PRKN: variants seen among roughly 807,000 people sequenced by gnomAD.
The protein encoded by PRKN is parkin RBR E3 ubiquitin protein ligase.
Under a neutral mutation model 59.5 loss-of-function variants are expected in PRKN, and 56 were observed. The observed-to-expected ratio is 0.94, with a 90% confidence interval of 0.76 to 1.18. The LOEUF is 1.18. PRKN is among the 50% of genes most tolerant of loss of function. The probability of loss-of-function intolerance (pLI) is 0.00; values close to 1 mark genes in which losing one functional copy is unlikely to be tolerated. For missense variants in PRKN, 657 were observed against 596.4 expected (o/e 1.10, Z -1.06); for synonymous variants, 250 against 222.1 (o/e 1.13, Z -1.12).
intron 1 of PRKN, among the ~76,000 whole-genome samples, chr6:162,501,936 A>T (rs888134658): frequency 1.3e-5 from 2 of 152,146 alleles, no homozygotes; most frequent in Admixed American, 6.5e-5. Context: ...TGATATATTG[A>T]TGTAATGTGG....
intron 2 of PRKN, among the ~76,000 whole-genome samples, chr6:162,365,427 T>C (rs1785384812): frequency 6.6e-6 from 1 of 152,170 alleles, no homozygotes; most frequent in Non-Finnish European, 1.5e-5. Flanking sequence ...TATTTTCCCC[T>C]AATTTTTTAC....
chr6:162,155,504 G>T (rs1782474402), intron 4 of PRKN, among the ~76,000 whole-genome samples: 2 of 152,042 alleles, frequency 1.3e-5, no homozygotes, highest in African/African-American at 4.8e-5. Context: ...CAACATCAGA[G>T]ACAGCAAGCA....
chr6:161,406,119 C>CAT, intron 9 of PRKN, among the ~76,000 whole-genome samples: 1 of 151,646 alleles, frequency 6.6e-6, no homozygotes. Flanking sequence ...TATATATACA[C>CAT]ATATATACAC....
At chr6:162,288,492 A>G (rs1008634428) in intron 2 of PRKN, among the ~76,000 whole-genome samples, 1 of 152,176 alleles carries the variant, frequency 6.6e-6, no homozygotes, top group African/African-American at 2.4e-5. Flanking sequence ...ACTAAAAAGA[A>G]GTGTGCAAGT....
rs928869327 is a variant in PRKN at position 161,447,466 on chromosome 6, T to C, written c.1084-60589A>G. 5.3e-5 allele frequency among the ~76,000 whole-genome samples: 8 copies of C among 152,194 alleles called. No homozygotes were observed. Among genetic ancestry groups the C allele is most frequent in the African/African-American group, 1.9e-4 (8 of 41,442 alleles). ...CCTGTAAAGAAGACAAGTTGGAGAA[T>C]AATCTCCCATATTCCTCTGCCATCC... On this transcript the variant is annotated intron_variant, in intron 9 of 11. Coordinates refer to ENST00000366898, the MANE Select transcript of PRKN (RefSeq NM_004562.3). This position sits in a 1 kb window ranked among gnomAD's most constrained non-coding sequence, Gnocchi z 4.1.
chr6:162,020,036 AT>A (rs1020596625), intron 5 of PRKN, among the ~76,000 whole-genome samples: 2 of 150,222 alleles, frequency 1.3e-5, no homozygotes, highest in Non-Finnish European at 3.0e-5. Context: ...AAAAAAAAAA[AT>A]ATCACAAAGT....
intron 1 of PRKN, among the ~76,000 whole-genome samples, chr6:162,511,350 T>C (rs899815183): frequency 1.3e-5 from 2 of 152,192 alleles, no homozygotes; most frequent in Admixed American, 6.5e-5. Flanking sequence ...TAGATGTACA[T>C]GTACCATATT....
rs62429103 is a variant in PRKN at position 162,654,579 on chromosome 6, T to C, written c.7+73083A>G. ...AGATTATCCAATAGCATCTTCTAAA[T>C]TGACATTTATCCTTCAAAATTTATT... On this transcript the variant is annotated intron_variant, in intron 1 of 11. Transcript: ENST00000366898. Among the ~76,000 whole-genome samples, 250 of 152,224 alleles carry C rather than the reference T, an allele frequency of 1.6e-3. 1 individual carries two copies. The highest frequency in any genetic ancestry group is 3.1e-3 in the Non-Finnish European group (209 of 68,038).
chr6:162,218,174 A>G (rs1777777375), intron 3 of PRKN, among the ~76,000 whole-genome samples: 1 of 152,170 alleles, frequency 6.6e-6, no homozygotes, highest in South Asian at 2.1e-4. Flanking sequence ...AGCGTGATGG[A>G]GGTGCTTTCC....
At chr6:161,443,742 T>G (rs1336500534) in intron 9 of PRKN, among the ~76,000 whole-genome samples, 2 of 152,182 alleles carry the variant, frequency 1.3e-5, no homozygotes, top group Non-Finnish European at 2.9e-5. Context: ...AGTTTTACCT[T>G]TGGTAGAAAC....
rs1431479783 is a variant in PRKN, at chr6:161,783,043, A to G, written c.871+2729T>C. Among the ~76,000 whole-genome samples, 3 of 152,332 alleles carry G rather than the reference A, an allele frequency of 2.0e-5. No individual in the cohort carries two copies. The East Asian group carries it at 5.8e-4, about 29-fold the overall frequency. On this transcript the variant is annotated intron_variant, in intron 7 of 11. Coordinates refer to ENST00000366898, the MANE Select transcript of PRKN (RefSeq NM_004562.3). The stretch of plus-strand genomic sequence containing the variant: ...CAAAACAAACTGCAAAAATCTTAAC[A>G]TTGTTTTCAATAATCACACTTAGGT...
intron 4 of PRKN, among the ~76,000 whole-genome samples, chr6:162,182,519 T>A (rs772842080): frequency 1.3e-5 from 2 of 152,130 alleles, no homozygotes; most frequent in Non-Finnish European, 2.9e-5. Flanking sequence ...TGGGAAAACA[T>A]CACTGTGTGT....
Position 162,358,350 on chromosome 6 carries a change from A to G in PRKN, c.171+84960T>C, listed in dbSNP as rs144661805. On this transcript the variant is annotated intron_variant, in intron 2 of 11. Coordinates refer to ENST00000366898, the MANE Select transcript of PRKN (RefSeq NM_004562.3). ...CATGGTTCTTTTCAGCCTTGTAAGC[A>G]ATCAAAATATTTCCACAATCTAATT... is the stretch of plus-strand genomic sequence containing the variant. Among the ~76,000 whole-genome samples the G allele has an allele frequency of 2.7e-3, 411 of 152,326 alleles. 1 individual carries two copies. Among genetic ancestry groups the G allele is most frequent in the African/African-American group, 8.9e-3 (368 of 41,576 alleles).
At chr6:162,377,034 G>A (rs1786144390) in intron 2 of PRKN, among the ~76,000 whole-genome samples, 1 of 152,104 alleles carries the variant, frequency 6.6e-6, no homozygotes, top group African/African-American at 2.4e-5. Flanking sequence ...AGGAACCGCT[G>A]CAGCTACAGA....
intron 4 of PRKN, among the ~76,000 whole-genome samples, chr6:162,180,212 A>C (rs1783735809): frequency 6.6e-6 from 1 of 152,162 alleles, no homozygotes; most frequent in African/African-American, 2.4e-5. Flanking sequence ...GTTTTCCCCA[A>C]CTAAACATTT....
intron 4 of PRKN, among the ~76,000 whole-genome samples, chr6:162,058,069 A>G (rs1326166897): frequency 6.6e-6 from 1 of 152,140 alleles, no homozygotes; most frequent in Non-Finnish European, 1.5e-5. Flanking sequence ...GATTTGTTCT[A>G]CCTTTACGGA....
intron 4 of PRKN, among the ~76,000 whole-genome samples, chr6:162,182,678 CAT>C (rs761949402): frequency 7.2e-5 from 11 of 152,202 alleles, no homozygotes; most frequent in East Asian, 1.9e-4. Flanking sequence ...CTTATTAAAA[CAT>C]GTGTGGGCAT....
rs188968209 is a variant in PRKN at position 162,303,203 on chromosome 6, G to A, written c.172-40438C>T. Among the ~76,000 whole-genome samples, 3 of 152,234 alleles carry A rather than the reference G, an allele frequency of 2.0e-5. No individual in the cohort carries two copies. The East Asian group carries it at 5.8e-4, about 29-fold the overall frequency. On this transcript the variant is annotated intron_variant, in intron 2 of 11. Transcript: ENST00000366898. ...TCTAGCAGCATTTACATCAACTAAT[G>A]TTAAGTTCCATAAGTACTATGCCCA...
At chr6:161,769,090 C>G (rs1178405132) in intron 7 of PRKN, among the ~76,000 whole-genome samples, 6 of 152,172 alleles carry the variant, frequency 3.9e-5, no homozygotes, top group Non-Finnish European at 5.9e-5. Flanking sequence ...ATGTTAATCC[C>G]TGATTCAAAG....
Sources: gnomAD v4.1 joint callset for allele counts (sites outside exome capture counted in the v4.1 genomes callset) on GRCh38, gnomAD v4.1.1 for gene constraint, Gnocchi (gnomAD v3.1) non-coding constraint, MANE v1.5 for transcripts, NCBI Gene and HGNC (gene_info 2026-07-23, HGNC 2026-07-21) for gene names.